TF: variants seen among roughly 807,000 people sequenced by gnomAD.
TF encodes serotransferrin.
TF carries 55 observed loss-of-function variants against 82.4 expected under a neutral mutation model. The observed-to-expected ratio is 0.67, with a 90% CI of 0.54 to 0.84. The LOEUF is 0.84. Among genes scored for constraint, TF ranks in the 40% least tolerant of loss-of-function variants. The pLI is 0.00. For missense variants in TF, 737 were observed against 868.4 expected (o/e 0.85, Z 1.90); for synonymous variants, 332 against 332.6 (o/e 1.00, Z 0.02).
the TF span, among the ~76,000 whole-genome samples, chr3:133,737,491 C>T: frequency 6.9e-6 from 1 of 144,674 alleles, no homozygotes; most frequent in African/African-American, 2.5e-5. Context: ...GAGGTAGAGA[C>T]ACACAAAAAA....
chr3:133,757,821 A>C lies in TF; in HGVS notation c.923A>C (p.His308Pro). The C allele has an allele frequency of 6.2e-7, 1 of 1,614,180 alleles. No individual in the cohort carries two copies. The change falls in exon 8 of 17, where the codon CAT (histidine) becomes CCT (proline). Residue 308 changes from histidine to proline, a missense_variant. Transcript: ENST00000402696. ...GAATTCCAACTATTCAGCTCTCCTC[A>C]TGGGAAGGACCTGCTGTTTAAGGAC... ...SKEFQLFSSP[H>P]GKDLLFKDSA...
At chr3:133,697,615 G>C in the TF span, among the ~76,000 whole-genome samples, 1 of 152,226 alleles carries the variant, frequency 6.6e-6, no homozygotes, top group East Asian at 1.9e-4. Flanking sequence ...GACAATGAGT[G>C]GGGGTGGAGA....
At chr3:133,745,785 C>T (rs1417820352), upstream of TF, among the ~76,000 whole-genome samples, 1 of 152,182 alleles carries the variant, frequency 6.6e-6, no homozygotes, top group African/African-American at 2.4e-5. Context: ...GGAAGTTTTC[C>T]AGCCCAGGAG....
At chr3:133,753,474 TCTA>T (rs1374162036) in intron 2 of TF, 118 bp from the exon 3 acceptor site, 3 of 812,176 alleles carry the variant, frequency 3.7e-6, no homozygotes, top group Non-Finnish European at 6.4e-6. Context: ...CTGTGCGTGG[TCTA>T]GTCAAGTTCT....
At chr3:133,718,037 A>T in the TF span, among the ~76,000 whole-genome samples, 1 of 151,888 alleles carries the variant, frequency 6.6e-6, no homozygotes, top group Non-Finnish European at 1.5e-5. Flanking sequence ...ACGTTTAATC[A>T]TGAGTGAGTC....
chr3:133,723,635 CTTTTATTATTATTATTAT>C, the TF span, among the ~76,000 whole-genome samples: 4 of 77,438 alleles, frequency 5.2e-5, no homozygotes, highest in Non-Finnish European at 7.1e-5. Context: ...CTGTTTGGTT[CTTTTATTATTATTATTAT>C]TATTATTATT....
At chr3:133,673,063 C>T in the TF span, among the ~76,000 whole-genome samples, 3 of 152,154 alleles carry the variant, frequency 2.0e-5, no homozygotes, top group Admixed American at 2.0e-4. Context: ...TTCCCTATCA[C>T]CCTTCTACTC....
the TF span, among the ~76,000 whole-genome samples, chr3:133,679,409 G>T: frequency 6.6e-6 from 1 of 151,988 alleles, no homozygotes; most frequent in Admixed American, 6.6e-5. Context: ...GTGAATCTTC[G>T]CAAATATAAC....
rs1003009241 is a variant in TF, at chr3:133,788,723, G to T, written c.*10103G>T. ...AGGCAACCGCAGGTTTCTGGGTGGG[G>T]CCATCCTGAAGGACTTTTTTCTATC... is the stretch of plus-strand genomic sequence containing the variant. On this transcript the variant is annotated 3_prime_UTR_variant, in exon 17 of 17. Coordinates refer to ENST00000402696, the MANE Select transcript of TF (RefSeq NM_001063.4). 2 of 152,222 alleles carry T rather than the reference G, an allele frequency of 1.3e-5. No individual in the cohort carries two copies. The highest frequency in any genetic ancestry group is 2.9e-5 in the Non-Finnish European group (2 of 68,090). The allele number at this position is 152,222 out of a possible 1,614,324, so 9.4% of individuals were successfully genotyped here. A position where few individuals can be genotyped will look rare whatever the true frequency, so the allele number is the denominator to read the frequency against.
At chr3:133,745,040 A>G (rs2107903944), upstream of TF, among the ~76,000 whole-genome samples, 1 of 152,296 alleles carries the variant, frequency 6.6e-6, no homozygotes, top group South Asian at 2.1e-4. Flanking sequence ...TGTGGTTTGT[A>G]TGTGCCCAGT....
chr3:133,696,397 A>G, the TF span, among the ~76,000 whole-genome samples: 1 of 152,202 alleles, frequency 6.6e-6, no homozygotes, highest in African/African-American at 2.4e-5. Flanking sequence ...TATAGAAAAA[A>G]ATACTATATT....
In TF at chr3:133,768,542, T is replaced by C. The variant is rs8177332; in HGVS notation, c.1622+378T>C. 8.1e-3 allele frequency among the ~76,000 whole-genome samples: 1,241 copies of C among 152,324 alleles called. 10 individuals carry two copies. The highest frequency in any genetic ancestry group is 0.011 in the Non-Finnish European group (733 of 68,034). On this transcript the variant is annotated intron_variant, in intron 13 of 16. Coordinates refer to ENST00000402696, the MANE Select transcript of TF (RefSeq NM_001063.4). The stretch of plus-strand genomic sequence containing the variant: ...ACATTCAACAATGCACAGGATAGCA[T>C]GGTACAACAAACAATTATCCAGCCC...
At chr3:133,749,124 G>C (rs962544336) in intron 2 of TF, among the ~76,000 whole-genome samples, 2 of 152,178 alleles carry the variant, frequency 1.3e-5, no homozygotes, top group African/African-American at 2.4e-5. Flanking sequence ...TCCTGCCACT[G>C]CACTCCAGCC....
chr3:133,674,943 T>G, the TF span, among the ~76,000 whole-genome samples: 1 of 152,032 alleles, frequency 6.6e-6, no homozygotes, highest in African/African-American at 2.4e-5. Flanking sequence ...TTTTCACATC[T>G]TTAAATGGTT....
chr3:133,743,398 A>C (rs1269439150), upstream of TF, among the ~76,000 whole-genome samples: 1 of 151,724 alleles, frequency 6.6e-6, no homozygotes, highest in Non-Finnish European at 1.5e-5. Flanking sequence ...GTGCTTTTGG[A>C]GAAATGGCAA....
At chr3:133,738,103 G>C in the TF span, among the ~76,000 whole-genome samples, 2 of 152,252 alleles carry the variant, frequency 1.3e-5, no homozygotes, top group African/African-American at 2.4e-5. Context: ...ACATCAAAAA[G>C]TTTATCCACC....
intron 14 of TF, 154 bp downstream of exon 14, chr3:133,770,726 T>C (rs1934239175): frequency 2.2e-6 from 2 of 919,454 alleles, no homozygotes; most frequent in South Asian, 2.8e-5. Flanking sequence ...GAGAGACATG[T>C]TCACCTGAGT....
Position 133,764,883 on chromosome 3 carries a change from A to G in TF, c.1306A>G (p.Asn436Asp), listed in dbSNP as rs1194547276. Residue 436 changes from asparagine to aspartate, a missense_variant, in exon 11 of 17, where the codon AAT becomes GAT. Coordinates refer to ENST00000402696, the MANE Select transcript of TF (RefSeq NM_001063.4). The stretch of plus-strand genomic sequence containing the variant: ...TTTCTTTTCTCCTGCAGAGAGCGAT[A>G]ATTGTGAGGATACACCAGAGGCAGG... Reference protein sequence around the residue: ...VLAENYNKSDNCEDTPEAGYF... With the variant: ...VLAENYNKSDDCEDTPEAGYF... 6.2e-7 allele frequency: 1 copy of G among 1,613,994 alleles called. No individual in the cohort carries two copies. Among genetic ancestry groups the G allele is most frequent in the East Asian group, 2.2e-5 (1 of 44,872 alleles).
At chr3:133,696,793 C>CT in the TF span, among the ~76,000 whole-genome samples, 92,556 of 141,888 alleles carry the variant, frequency 0.65, 28,869 homozygotes, top group African/African-American at 0.74. Context: ...ACTTCTTCTT[C>CT]TTTTTTTTTT....
Sources: allele counts gnomAD v4.1 joint callset (sites outside exome capture counted in the v4.1 genomes callset), GRCh38; gene constraint gnomAD v4.1.1; transcripts MANE v1.5; gene names NCBI Gene and HGNC (gene_info 2026-07-23, HGNC 2026-07-21).